The following SPMIP2 variants were observed in gnomAD, a reference collection of about 807,000 sequenced individuals.
SPMIP2 encodes protein SPMIP2.
chr4:158,957,862 A>G, the SPMIP2 span, among the ~76,000 whole-genome samples: 1 of 152,264 alleles, frequency 6.6e-6, no homozygotes, highest in Non-Finnish European at 1.5e-5. Flanking sequence ...CTATTTTATC[A>G]GAAACCGGAT....
chr4:158,908,269 A>G, the SPMIP2 span, among the ~76,000 whole-genome samples: 8 of 152,294 alleles, frequency 5.3e-5, no homozygotes, highest in Non-Finnish European at 8.8e-5. Flanking sequence ...GTCCTGCACC[A>G]TGTGAGACAG....
chr4:158,894,871 T>A, the SPMIP2 span, among the ~76,000 whole-genome samples: 2 of 152,198 alleles, frequency 1.3e-5, no homozygotes, highest in Non-Finnish European at 2.9e-5. Context: ...AGATATTTTT[T>A]CCATGTCGTT....
At chr4:158,928,652 T>C in the SPMIP2 span, among the ~76,000 whole-genome samples, 1 of 152,200 alleles carries the variant, frequency 6.6e-6, no homozygotes, top group Non-Finnish European at 1.5e-5. Context: ...GAGCCAGCAG[T>C]GGCAACCCGC....
chr4:159,080,414 C>G, the SPMIP2 span, among the ~76,000 whole-genome samples: 13 of 152,006 alleles, frequency 8.6e-5, no homozygotes, highest in Non-Finnish European at 1.8e-4. Flanking sequence ...AGACAGGGGT[C>G]TCCCTATGCT....
At chr4:159,017,086 T>C in the SPMIP2 span, among the ~76,000 whole-genome samples, 1 of 152,130 alleles carries the variant, frequency 6.6e-6, no homozygotes, top group Non-Finnish European at 1.5e-5. Context: ...GTATAAATCA[T>C]TGAGAAAGTA....
At chr4:159,020,833 C>T in the SPMIP2 span, among the ~76,000 whole-genome samples, 1 of 152,186 alleles carries the variant, frequency 6.6e-6, no homozygotes, top group Non-Finnish European at 1.5e-5. Flanking sequence ...GCTATCTCGG[C>T]TCACTGCAAG....
the SPMIP2 span, among the ~76,000 whole-genome samples, chr4:159,016,244 A>C: frequency 6.6e-6 from 1 of 152,230 alleles, no homozygotes; most frequent in African/African-American, 2.4e-5. Context: ...TCTATTAATC[A>C]GACCATTATG....
At chr4:158,911,279 C>T in the SPMIP2 span, among the ~76,000 whole-genome samples, 1 of 151,978 alleles carries the variant, frequency 6.6e-6, no homozygotes, top group South Asian at 2.1e-4. Flanking sequence ...ACCCAGGAGG[C>T]GGAGGCTGCA....
At chr4:159,034,544 G>A in the SPMIP2 span, among the ~76,000 whole-genome samples, 1 of 152,208 alleles carries the variant, frequency 6.6e-6, no homozygotes, top group Non-Finnish European at 1.5e-5. Context: ...ATGGCAACAA[G>A]ATGATGATGA....
chr4:158,933,809 C>T, the SPMIP2 span, among the ~76,000 whole-genome samples: 4 of 152,090 alleles, frequency 2.6e-5, no homozygotes, highest in African/African-American at 7.2e-5. Context: ...TCTCTTTGTA[C>T]ACTGCCACTC....
chr4:158,960,253 G>A, the SPMIP2 span: 2 of 1,260,382 alleles, frequency 1.6e-6, no homozygotes, highest in Admixed American at 2.0e-5. Context: ...AAGAAACACA[G>A]TAATTAATAA....
the SPMIP2 span, among the ~76,000 whole-genome samples, chr4:158,903,585 A>AC: frequency 1.3e-5 from 2 of 152,044 alleles, no homozygotes; most frequent in South Asian, 4.2e-4. Flanking sequence ...TTATTAGTGG[A>AC]CTCATGTTCA....
At chr4:158,998,268 T>C in the SPMIP2 span, among the ~76,000 whole-genome samples, 1 of 152,240 alleles carries the variant, frequency 6.6e-6, no homozygotes, top group South Asian at 2.1e-4. Flanking sequence ...AAGCCAGATT[T>C]GGCACATGAG....
chr4:159,037,981 T>TTCTCTC, the SPMIP2 span, among the ~76,000 whole-genome samples: 248 of 148,120 alleles, frequency 1.7e-3, no homozygotes, highest in African/African-American at 5.8e-3. Flanking sequence ...CTCTCTCTCT[T>TTCTCTC]TCTCTCTCTC....
chr4:158,979,254 G>A, the SPMIP2 span, among the ~76,000 whole-genome samples: 7 of 152,138 alleles, frequency 4.6e-5, no homozygotes, highest in Non-Finnish European at 7.3e-5. Flanking sequence ...TGCTGGCAGC[G>A]AGAATTTCAA....
chr4:158,940,220 C>T, the SPMIP2 span, among the ~76,000 whole-genome samples: 3 of 152,260 alleles, frequency 2.0e-5, no homozygotes, highest in East Asian at 5.8e-4. Context: ...CTGTACTTGT[C>T]CAAATTTCCT....
chr4:159,046,574 T>C, the SPMIP2 span, among the ~76,000 whole-genome samples: 1 of 152,170 alleles, frequency 6.6e-6, no homozygotes, highest in Non-Finnish European at 1.5e-5. Context: ...TTTTGTTTGT[T>C]TGTTTGTTTT....
chr4:158,995,889 T>C, the SPMIP2 span, among the ~76,000 whole-genome samples: 2 of 151,764 alleles, frequency 1.3e-5, no homozygotes, highest in East Asian at 3.9e-4. Context: ...GAGAAAACAT[T>C]TTCTGTTCTT....
chr4:158,963,409 CT>C, the SPMIP2 span, among the ~76,000 whole-genome samples: 3 of 152,172 alleles, frequency 2.0e-5, no homozygotes, highest in Non-Finnish European at 4.4e-5. Flanking sequence ...TCAAGGAATT[CT>C]CCCACCTCAG....
Sources: allele counts gnomAD v4.1 joint callset (sites outside exome capture counted in the v4.1 genomes callset), GRCh38; gene constraint gnomAD v4.1.1; transcripts MANE v1.5; gene names NCBI Gene and HGNC (gene_info 2026-07-23, HGNC 2026-07-21).